The following ATRN variants were observed in gnomAD, a reference collection of about 807,000 sequenced individuals.
ATRN encodes attractin, also known as attractin-2.
Under a neutral mutation model 178.7 loss-of-function variants are expected in ATRN, and 54 were observed. That is an observed-to-expected ratio of 0.30 (90% CI 0.24 to 0.38). The LOEUF is 0.38. Among genes scored for constraint, ATRN ranks in the 10% least tolerant of loss-of-function variants. The pLI, the probability that ATRN is intolerant of heterozygous loss-of-function variation, is 1.00. For synonymous variants in ATRN, 636 were observed against 663.0 expected (o/e 0.96, Z 0.63); for missense variants, 1,443 against 1,815.1 (o/e 0.79, Z 3.73).
chr20:3,561,116 T>A, intron 8 of ATRN, among the ~76,000 whole-genome samples: 1 of 150,180 alleles, frequency 6.7e-6, no homozygotes, highest in East Asian at 2.0e-4. Context: ...AGGTCAGGAG[T>A]TCAAGACCAG....
chr20:3,499,259 C>T, intron 1 of ATRN, among the ~76,000 whole-genome samples: 3 of 107,384 alleles, frequency 2.8e-5, no homozygotes, highest in Admixed American at 9.1e-5. Context: ...CCATACTGCC[C>T]AAGGTAATTT....
chr20:3,490,198 A>C, intron 1 of ATRN: 1 of 1,523,080 alleles, frequency 6.6e-7, no homozygotes, highest in Non-Finnish European at 9.1e-7. Context: ...ACGGTCCGCC[A>C]CATTTCAAGC....
At chr20:3,611,003 A>G (rs2086756141) in intron 24 of ATRN, among the ~76,000 whole-genome samples, 1 of 152,160 alleles carries the variant, frequency 6.6e-6, no homozygotes. Flanking sequence ...AACTAAAGGA[A>G]TCTCTAAATC....
At chr20:3,613,534 A>G (rs1568765343) in intron 24 of ATRN, among the ~76,000 whole-genome samples, 1 of 152,226 alleles carries the variant, frequency 6.6e-6, no homozygotes, top group Non-Finnish European at 1.5e-5. Context: ...CACATTTAGC[A>G]ACTGTGCAAA....
intron 24 of ATRN, among the ~76,000 whole-genome samples, chr20:3,617,878 CTA>C (rs1230809187): frequency 2.0e-5 from 3 of 152,256 alleles, no homozygotes; most frequent in African/African-American, 7.2e-5. Flanking sequence ...TGGACAGTCT[CTA>C]GAACACTCAG....
intron 7 of ATRN, among the ~76,000 whole-genome samples, chr20:3,559,819 T>A (rs2085926593): frequency 6.6e-6 from 1 of 152,152 alleles, no homozygotes; most frequent in Non-Finnish European, 1.5e-5. Context: ...ACATTTTCAT[T>A]TCCTCATTTT....
intron 24 of ATRN, among the ~76,000 whole-genome samples, chr20:3,622,940 G>T (rs1428429491): frequency 6.6e-6 from 1 of 152,196 alleles, no homozygotes; most frequent in Non-Finnish European, 1.5e-5. Flanking sequence ...GGCACAGGGC[G>T]CATGAACACC....
intron 1 of ATRN, among the ~76,000 whole-genome samples, chr20:3,514,967 A>G (rs1338163009): frequency 6.6e-6 from 1 of 152,184 alleles, no homozygotes; most frequent in Non-Finnish European, 1.5e-5. Flanking sequence ...AAAAAAATAA[A>G]AGAAAAAAAG....
chr20:3,530,231 A>T (rs866142878), intron 1 of ATRN, among the ~76,000 whole-genome samples: 76 of 147,502 alleles, frequency 5.2e-4, no homozygotes, highest in African/African-American at 1.6e-3. Flanking sequence ...ATATATATAT[A>T]ATATATATAT....
At position 3,574,754 on chromosome 20, in the gene ATRN, A is replaced by G. The variant is rs369163744; in HGVS notation, c.2093-1073A>G. 3.3e-5 allele frequency among the ~76,000 whole-genome samples: 5 copies of G among 152,264 alleles called. No homozygotes were observed. In the South Asian group the frequency reaches 6.2e-4, roughly 19 times the overall value. ...ATATCAACCCATTTGCTGTCATCTC[A>G]CCTGAGACTTCAGTTCCCTGTTTCA... On this transcript the variant is annotated intron_variant, in intron 12 of 28. Coordinates refer to ENST00000262919, the MANE Select transcript of ATRN (RefSeq NM_139321.3).
At chr20:3,531,548 C>G (rs1378409142) in intron 1 of ATRN, among the ~76,000 whole-genome samples, 1 of 152,008 alleles carries the variant, frequency 6.6e-6, no homozygotes, top group Non-Finnish European at 1.5e-5. Flanking sequence ...GGATACTATG[C>G]TACATAAAGA....
chr20:3,596,352 T>C (rs761281052), intron 20 of ATRN, 25 bp from the exon 21 acceptor site: 12 of 1,603,770 alleles, frequency 7.5e-6, no homozygotes, highest in Non-Finnish European at 1.0e-5. Context: ...AATAGCAGTA[T>C]AAAATAGTCT....
intron 27 of ATRN, among the ~76,000 whole-genome samples, chr20:3,639,492 A>G (rs535217708): frequency 7.7e-4 from 117 of 152,198 alleles, no homozygotes; most frequent in African/African-American, 2.5e-3. Context: ...ACTTCAAGCA[A>G]TCCACCCACC....
In ATRN at chr20:3,588,658, T is replaced by G. The variant is rs76663544; in HGVS notation, c.3185-2511T>G. On this transcript the variant is annotated intron_variant, in intron 18 of 28. Transcript: ENST00000262919. ...GTTTGTGGTTTTCTTCTTTTGTGAT[T>G]ACTATCTGGTTTTCATAGCAGGGTA... Among the ~76,000 whole-genome samples, 22 of 152,272 alleles carry G rather than the reference T, an allele frequency of 1.4e-4. No homozygotes were observed. The East Asian group carries it at 3.9e-3, about 27-fold the overall frequency.
chr20:3,619,621 G>A (rs949814255), intron 24 of ATRN, among the ~76,000 whole-genome samples: 1 of 152,282 alleles, frequency 6.6e-6, no homozygotes, highest in Non-Finnish European at 1.5e-5. Flanking sequence ...TTGTTATGTG[G>A]TAGTGGAATA....
intron 4 of ATRN, 141 bp from the exon 5 acceptor site, chr20:3,547,143 G>A (rs1021324134): frequency 3.8e-5 from 27 of 701,328 alleles, no homozygotes; most frequent in Non-Finnish European, 6.5e-5. Context: ...AAACCCATTT[G>A]GACTGAATCC....
At chr20:3,549,118 A>G in intron 5 of ATRN, 52 bp from the exon 6 acceptor site, 6 of 1,418,498 alleles carry the variant, frequency 4.2e-6, no homozygotes, top group Non-Finnish European at 4.8e-6. Context: ...CTTGAAATGC[A>G]GTAAGCTTTA....
intron 1 of ATRN, among the ~76,000 whole-genome samples, chr20:3,534,491 G>A (rs1310228782): frequency 1.3e-5 from 2 of 152,080 alleles, no homozygotes; most frequent in East Asian, 3.9e-4. Flanking sequence ...GAGAGTGAAC[G>A]ATTTGTTAAT....
chr20:3,531,145 C>A (rs2085448452), intron 1 of ATRN, among the ~76,000 whole-genome samples: 1 of 152,152 alleles, frequency 6.6e-6, no homozygotes, highest in South Asian at 2.1e-4. Context: ...TGGCCTTTCT[C>A]TTTCAAATTC....
Sources: gnomAD v4.1 joint callset for allele counts (sites outside exome capture counted in the v4.1 genomes callset) on GRCh38, gnomAD v4.1.1 for gene constraint, MANE v1.5 for transcripts, NCBI Gene and HGNC (gene_info 2026-07-23, HGNC 2026-07-21) for gene names.